The following MBOAT2 variants were observed in gnomAD, a reference collection of about 807,000 sequenced individuals.
MBOAT2 encodes the protein membrane-bound glycerophospholipid O-acyltransferase 2.
A neutral mutation model predicts 63.4 loss-of-function variants in MBOAT2; 28 were observed. That is an observed-to-expected ratio of 0.44 (90% CI 0.33 to 0.61). The LOEUF is 0.61. Ranked by LOEUF, MBOAT2 falls within the 20% of genes least tolerant of loss-of-function variation. MBOAT2 has a pLI of 0.03. For missense variants in MBOAT2, 470 were observed against 605.8 expected (o/e 0.78, Z 2.35); for synonymous variants, 211 against 215.6 (o/e 0.98, Z 0.19).
intron 1 of MBOAT2, among the ~76,000 whole-genome samples, chr2:8,986,949 A>C (rs1467977510): frequency 6.6e-6 from 1 of 152,236 alleles, no homozygotes; most frequent in Non-Finnish European, 1.5e-5. Context: ...ATCTGCGAGA[A>C]AATAAATTTC....
chr2:9,003,117 G>C lies in MBOAT2; in HGVS notation c.75+423C>G, dbSNP rs1191531354. ...CTCAGAGGCGCGCGCGGGGCAGGCAGCACCACGCCAGGCTCCCCAAAGCGC... is the reference window on the plus strand; with the variant it reads ...CTCAGAGGCGCGCGCGGGGCAGGCACCACCACGCCAGGCTCCCCAAAGCGC... On this transcript the variant is annotated intron_variant, in intron 1 of 12. Coordinates refer to ENST00000305997, the MANE Select transcript of MBOAT2 (RefSeq NM_138799.4). The surrounding 1 kb of genome is among the most constrained non-coding windows in gnomAD (Gnocchi z 5.4). 6.6e-6 allele frequency among the ~76,000 whole-genome samples: 1 copy of C among 152,100 alleles called. No homozygotes were observed. Among genetic ancestry groups the C allele is most frequent in the Admixed American group, 6.5e-5 (1 of 15,282 alleles).
At chr2:8,908,500 T>C (rs1665492385) in intron 4 of MBOAT2, 121 bp downstream of exon 4, 1 of 591,730 alleles carries the variant, frequency 1.7e-6, no homozygotes, top group African/African-American at 1.9e-5. Flanking sequence ...GAAAGAAATT[T>C]TCAACTAAAA....
Position 8,896,344 on chromosome 2 carries a change from G to C in MBOAT2, c.396-8271C>G, listed in dbSNP as rs534519617. On this transcript the variant is annotated intron_variant, in intron 4 of 12. Transcript: ENST00000305997. ...CTCGTAATATCCCTGACTGGTTAGT[G>C]TAAAAACAACACTCTTCCCCTAAGA... Among the ~76,000 whole-genome samples the C allele has an allele frequency of 3.6e-4, 54 of 151,882 alleles. 1 individual carries two copies. The South Asian group carries it at 0.011, about 30-fold the overall frequency.
intron 1 of MBOAT2, among the ~76,000 whole-genome samples, chr2:8,980,183 T>C (rs1229725327): frequency 6.6e-6 from 1 of 152,162 alleles, no homozygotes; most frequent in African/African-American, 2.4e-5. Context: ...ACTCTTGCCC[T>C]CACATTTCTA....
At chr2:8,898,168 G>T (rs1375225062) in intron 4 of MBOAT2, among the ~76,000 whole-genome samples, 1 of 152,194 alleles carries the variant, frequency 6.6e-6, no homozygotes, top group Non-Finnish European at 1.5e-5. Flanking sequence ...ACAAAGAGAA[G>T]TTTTGTCCTG....
intron 3 of MBOAT2, among the ~76,000 whole-genome samples, chr2:8,920,172 G>A (rs1666474634): frequency 6.6e-6 from 1 of 152,110 alleles, no homozygotes; most frequent in South Asian, 2.1e-4. Context: ...AGTTTTATAG[G>A]TTTAGCTGCT....
intron 9 of MBOAT2, among the ~76,000 whole-genome samples, chr2:8,866,666 C>T (rs1390931724): frequency 1.3e-5 from 2 of 152,140 alleles, no homozygotes; most frequent in Non-Finnish European, 2.9e-5. Context: ...AAGTCTTTTC[C>T]AGTTGGTTTG....
rs537168436 is a variant in MBOAT2, at chr2:8,855,402, G to C, written c.*3277C>G. The C allele has an allele frequency of 1.3e-5, 2 of 152,332 alleles. No homozygotes were observed. The highest frequency in any genetic ancestry group is 3.9e-4 in the East Asian group (2 of 5,192). 9.4% of individuals were successfully genotyped at this position (152,332 alleles called of 1,614,324 possible). On this transcript the variant is annotated 3_prime_UTR_variant, in exon 13 of 13. Coordinates refer to ENST00000305997, the MANE Select transcript of MBOAT2 (RefSeq NM_138799.4). ...TCCAGGTCTCCTCCTAGGTCAGCTA[G>C]TGCTTAAATGTGAGTTACTGTCACT...
At chr2:8,889,010 T>C (rs1174139577) in intron 4 of MBOAT2, among the ~76,000 whole-genome samples, 1 of 152,064 alleles carries the variant, frequency 6.6e-6, no homozygotes, top group African/African-American at 2.4e-5. Flanking sequence ...ACCCAGAAAA[T>C]TGTGTTTTGC....
intron 1 of MBOAT2, among the ~76,000 whole-genome samples, chr2:8,968,855 G>C (rs1026370795): frequency 1.3e-5 from 2 of 152,164 alleles, no homozygotes; most frequent in African/African-American, 4.8e-5. Context: ...AACGAAAAAA[G>C]CCTCCAAGAA....
chr2:8,901,524 A>G (rs1664923495), intron 4 of MBOAT2, among the ~76,000 whole-genome samples: 3 of 152,222 alleles, frequency 2.0e-5, no homozygotes, highest in Admixed American at 2.0e-4. Context: ...GTTATGCCCC[A>G]AAAATGAAGT....
intron 3 of MBOAT2, among the ~76,000 whole-genome samples, chr2:8,930,225 C>A (rs1667219449): frequency 6.6e-6 from 1 of 152,224 alleles, no homozygotes; most frequent in Non-Finnish European, 1.5e-5. Context: ...CTGGTAACAT[C>A]TTCCTGCTGC....
Position 9,003,668 on chromosome 2 carries a change from C to G in MBOAT2, c.-54G>C. ...CGCCGCTCGCCCGCTCGCGCTGTGC[C>G]GGGCGACGACGAGGATGGGGATGCA... On this transcript the variant is annotated 5_prime_UTR_variant, in exon 1 of 13. Transcript: ENST00000305997. The surrounding 1 kb of genome is among the most constrained non-coding windows in gnomAD (Gnocchi z 5.4). 2.8e-6 allele frequency: 3 copies of G among 1,082,474 alleles called. No individual in the cohort carries two copies. The highest frequency in any genetic ancestry group is 3.4e-6 in the Non-Finnish European group (3 of 886,428). The allele number at this position is 1,082,474 out of a possible 1,614,324, so 67.1% of individuals were successfully genotyped here.
At chr2:8,974,680 G>C (rs1670696328) in intron 1 of MBOAT2, among the ~76,000 whole-genome samples, 1 of 152,044 alleles carries the variant, frequency 6.6e-6, no homozygotes, top group Non-Finnish European at 1.5e-5. Context: ...TATCTCCCTT[G>C]ATATTTCATG....
intron 9 of MBOAT2, 58 bp from the exon 10 acceptor site, chr2:8,864,292 A>T: frequency 2.1e-6 from 2 of 954,900 alleles, no homozygotes; most frequent in Non-Finnish European, 3.0e-6. Flanking sequence ...TTTAAATATA[A>T]TAATATATTA....
Position 8,968,986 on chromosome 2 carries a change from C to G in MBOAT2, c.76-10344G>C, listed in dbSNP as rs369877367. Among the ~76,000 whole-genome samples, 14 of 152,276 alleles carry G rather than the reference C, an allele frequency of 9.2e-5. 1 individual carries two copies. In the South Asian group the frequency reaches 2.3e-3, roughly 25 times the overall value. On this transcript the variant is annotated intron_variant, in intron 1 of 12. Coordinates refer to ENST00000305997, the MANE Select transcript of MBOAT2 (RefSeq NM_138799.4). ...TATTATCCAGAAGAACTTCCCCAAC[C>G]TAGAAAGGCAGGCCAACATTCAAAT...
chr2:8,937,601 C>T (rs984173160), intron 3 of MBOAT2, among the ~76,000 whole-genome samples: 3 of 152,052 alleles, frequency 2.0e-5, no homozygotes, highest in Admixed American at 6.5e-5. Context: ...GGATGTAATA[C>T]GGTGAAATCT....
chr2:8,862,870 A>C lies in MBOAT2; in HGVS notation c.1053-148T>G. ...TATCTTAGGCAATCACTTCTCTATG[A>C]TCTCAGGGAGGCTATAGCTATTAAG... On this transcript the variant is annotated intron_variant, in intron 10 of 12. Coordinates refer to ENST00000305997, the MANE Select transcript of MBOAT2 (RefSeq NM_138799.4). This position sits in a 1 kb window ranked among gnomAD's most constrained non-coding sequence, Gnocchi z 4.3. 2.0e-6 allele frequency: 2 copies of C among 987,666 alleles called. No individual in the cohort carries two copies. Among genetic ancestry groups the C allele is most frequent in the South Asian group, 1.8e-5 (1 of 54,646 alleles). The allele number at this position is 987,666 out of a possible 1,614,324, so 61.2% of individuals were successfully genotyped here.
intron 4 of MBOAT2, chr2:8,908,143 G>A (rs1665464046): frequency 6.6e-6 from 1 of 152,278 alleles, no homozygotes; most frequent in Non-Finnish European, 1.5e-5. Context: ...TACTTCGTAA[G>A]AGCTTGTGCA....
Sources: allele counts gnomAD v4.1 joint callset (sites outside exome capture counted in the v4.1 genomes callset), GRCh38; gene constraint gnomAD v4.1.1; non-coding constraint Gnocchi (gnomAD v3.1); transcripts MANE v1.5; gene names NCBI Gene and HGNC (gene_info 2026-07-23, HGNC 2026-07-21).